Variants in ZNF491 observed in about 807,000 individuals in gnomAD.
ZNF491 encodes the protein zinc finger protein 491.
A neutral mutation model predicts 34.7 loss-of-function variants in ZNF491; 22 were observed. The observed-to-expected ratio is 0.63, with a 90% CI of 0.45 to 0.90. The LOEUF is 0.90. Among genes scored for constraint, ZNF491 ranks in the 40% least tolerant of loss-of-function variants. ZNF491 has a pLI of 0.00. For synonymous variants in ZNF491, 148 were observed against 174.3 expected, an observed-to-expected ratio of 0.85 and a Z score of 1.19; for missense variants, 559 against 531.7, an observed-to-expected ratio of 1.05 and a Z score of -0.51.
Position 11,806,921 on chromosome 19 carries a change from G to C in ZNF491, c.968G>C (p.Gly323Ala), listed in dbSNP as rs776747059. 7 of 1,613,118 alleles carry C rather than the reference G, an allele frequency of 4.3e-6. No homozygotes were observed. Among genetic ancestry groups the C allele is most frequent in the African/African-American group, 1.3e-5 (1 of 74,940 alleles). ...CAATATCATGAAAGGACTCACACTG[G>C]AGAGAAACCCGATGGGTGTAAGCAA... ...SFQYHERTHT[G>A]EKPDGCKQCG... The change falls in exon 3 of 3, where the codon GGA becomes GCA. Residue 323 changes from glycine to alanine, a missense_variant. Physicochemically the swap from Gly to Ala is moderately conservative, Grantham distance 60. Transcript: ENST00000323169.
At chr19:11,804,513 T>C (rs1975589166) in intron 1 of ZNF491, 29 bp from the exon 2 acceptor site, 10 of 1,509,718 alleles carry the variant, frequency 6.6e-6, no homozygotes, top group Non-Finnish European at 8.8e-6. Context: ...CTCTCACCCA[T>C]CCTCCTCTAC....
intron 1 of ZNF491, among the ~76,000 whole-genome samples, chr19:11,800,378 C>G (rs889676831): frequency 2.0e-5 from 3 of 152,156 alleles, no homozygotes; most frequent in African/African-American, 7.2e-5. Context: ...CCAACTTCCC[C>G]TCGCCAATTG....
In ZNF491 at chr19:11,807,091, G is replaced by A; in HGVS notation, c.1138G>A (p.Glu380Lys). ...FHRHERTHAG[E>K]KPYECKHCGK... ...TAGACATGAAAGGACTCACGCTGGA[G>A]AAAAACCTTATGAATGTAAGCATTG... Residue 380 changes from glutamate to lysine, a missense_variant, in exon 3 of 3, where the codon GAA (glutamate) becomes AAA (lysine). Glu to Lys is a moderately conservative substitution (Grantham distance 56). Coordinates refer to ENST00000323169, the MANE Select transcript of ZNF491 (RefSeq NM_152356.4). 6.2e-7 allele frequency: 1 copy of A among 1,609,550 alleles called. No individual in the cohort carries two copies. Among genetic ancestry groups the A allele is most frequent in the Non-Finnish European group, 8.5e-7 (1 of 1,178,596 alleles).
chr19:11,806,404 C>G lies in ZNF491; in HGVS notation c.451C>G (p.Arg151Gly). Reference sequence around the variant, plus strand: ...TCTCAGTTTATACCTTACCCATGAACGAACTCACACTGGAGAGAAACGATA... The same window carrying G: ...TCTCAGTTTATACCTTACCCATGAAGGAACTCACACTGGAGAGAAACGATA... ...DCLSLYLTHE[R>G]THTGEKRYEC... Residue 151 changes from arginine to glycine, a missense_variant, in exon 3 of 3, where the codon CGA becomes GGA. Physicochemically the swap from Arg to Gly is moderately radical, Grantham distance 125. Coordinates refer to ENST00000323169, the MANE Select transcript of ZNF491 (RefSeq NM_152356.4). 1.2e-6 allele frequency: 2 copies of G among 1,613,196 alleles called. No homozygotes were observed. Among genetic ancestry groups the G allele is most frequent in the Non-Finnish European group, 1.7e-6 (2 of 1,179,682 alleles).
At position 11,806,849 on chromosome 19, in the gene ZNF491, A is replaced by ACAAATCAAAT; in HGVS notation, c.901_902insCAAATCAAAT (p.Cys301SerfsTer21). 6.2e-7 allele frequency: 1 copy of ACAAATCAAAT among 1,609,678 alleles called. No homozygotes were observed. Among genetic ancestry groups the ACAAATCAAAT allele is most frequent in the South Asian group, 1.1e-5 (1 of 90,424 alleles). On this transcript the variant is annotated frameshift_variant, in exon 3 of 3. Coordinates refer to ENST00000323169, the MANE Select transcript of ZNF491 (RefSeq NM_152356.4). LOFTEE classifies it high-confidence loss of function. ...AGAAGTCACACTGGAGAGAAACCCTACAAATGCAAGCAATGTGGGAAAGCC... is the reference window on the plus strand; with the variant it reads ...AGAAGTCACACTGGAGAGAAACCCTACAAATCAAATCAAATGCAAGCAATGTGGGAAAGCC...
intron 1 of ZNF491, among the ~76,000 whole-genome samples, chr19:11,803,558 A>C (rs1975577553): frequency 6.6e-6 from 1 of 152,136 alleles, no homozygotes; most frequent in Admixed American, 6.6e-5. Context: ...GCTTTGTGAC[A>C]ATTTCTCAGT....
chr19:11,805,927 G>A lies in ZNF491; in HGVS notation c.-7-20G>A. On this transcript the variant is annotated intron_variant, in intron 2 of 2. Transcript: ENST00000323169. ...CGCTTATAAACAGACCCTTAATTATGTGCTTGGCATTTTTCACAGAAATTT... is the reference window on the plus strand; with the variant it reads ...CGCTTATAAACAGACCCTTAATTATATGCTTGGCATTTTTCACAGAAATTT... 3 of 1,516,700 alleles carry A rather than the reference G, an allele frequency of 2.0e-6. No homozygotes were observed. The highest frequency in any genetic ancestry group is 4.5e-5 in the East Asian group (2 of 44,382). 94.0% of individuals were successfully genotyped at this position (1,516,700 alleles called of 1,614,324 possible). A position where few individuals can be genotyped will look rare whatever the true frequency, so the allele number is the denominator to read the frequency against.
At position 11,798,838 on chromosome 19, in the gene ZNF491, G is replaced by A. The variant is rs1306100355; in HGVS notation, c.-134+111G>A. ...CCGCTCGGGCGACCCCGGCGATTGG[G>A]ACCCGCGTCCCCCATGGCGTGGCTT... On this transcript the variant is annotated intron_variant, in intron 1 of 2. Coordinates refer to ENST00000323169, the MANE Select transcript of ZNF491 (RefSeq NM_152356.4). The surrounding 1 kb of genome is among the most constrained non-coding windows in gnomAD (Gnocchi z 4.0). 1 of 152,412 alleles carries A rather than the reference G, an allele frequency of 6.6e-6. No individual in the cohort carries two copies. The highest frequency in any genetic ancestry group is 2.4e-5 in the African/African-American group (1 of 41,468). The allele number at this position is 152,412 out of a possible 1,614,324, so 9.4% of individuals were successfully genotyped here.
chr19:11,807,017 A>G lies in ZNF491; in HGVS notation c.1064A>G (p.Tyr355Cys). ...HGRTHTGEKP[Y>C]ECKQCGKAFH... ...AGGACTCACACTGGTGAGAAACCCT[A>G]TGAATGTAAGCAATGTGGGAAAGCA... The change falls in exon 3 of 3, where the codon TAT (tyrosine) becomes TGT (cysteine). Residue 355 changes from tyrosine (Y) to cysteine (C), a missense_variant. By Grantham distance (194) the Tyr-to-Cys change is radical. Transcript: ENST00000323169. The G allele has an allele frequency of 6.2e-7, 1 of 1,611,930 alleles. No individual in the cohort carries two copies. Among genetic ancestry groups the G allele is most frequent in the Non-Finnish European group, 8.5e-7 (1 of 1,179,084 alleles).
Position 11,807,445 on chromosome 19 carries a change from A to G in ZNF491, c.*178A>G. ...CCACGCTGGGATTCACTGGTGGCCT[A>G]TCTTACATATGATTTCGAAGGCAGA... On this transcript the variant is annotated 3_prime_UTR_variant, in exon 3 of 3. Transcript: ENST00000323169. The G allele has an allele frequency of 4.1e-6, 2 of 487,952 alleles. No homozygotes were observed. The highest frequency in any genetic ancestry group is 7.2e-6 in the Non-Finnish European group (2 of 276,112). The allele number at this position is 487,952 out of a possible 1,614,324, so 30.2% of individuals were successfully genotyped here.
Position 11,807,423 on chromosome 19 carries a change from C to T in ZNF491, c.*156C>T, listed in dbSNP as rs561826110. On this transcript the variant is annotated 3_prime_UTR_variant, in exon 3 of 3. Transcript: ENST00000323169. ...GTAGAGATGGAGTTAGGTGATGCCA[C>T]GCTGGGATTCACTGGTGGCCTATCT... The T allele has an allele frequency of 5.9e-5, 31 of 525,576 alleles. No individual in the cohort carries two copies. Among genetic ancestry groups the T allele is most frequent in the Admixed American group, 1.8e-4 (5 of 27,176 alleles). The allele number at this position is 525,576 out of a possible 1,614,324, so 32.6% of individuals were successfully genotyped here. A position where few individuals can be genotyped will look rare whatever the true frequency, so the allele number is the denominator to read the frequency against.
rs139119899 is a variant in ZNF491, at chr19:11,806,627, A to G, written c.674A>G (p.Asn225Ser). ...YKCKECGKAFNCPSSFHRHER... is the reference protein window; with the variant it reads ...YKCKECGKAFSCPSSFHRHER... ...TGTAAGGAATGTGGGAAAGCCTTCA[A>G]TTGTCCCAGTTCTTTTCACAGGCAT... The change falls in exon 3 of 3, where the codon AAT (asparagine) becomes AGT (serine). Residue 225 changes from asparagine (N) to serine (S), a missense_variant. Physicochemically the swap from Asn to Ser is conservative, Grantham distance 46 (BLOSUM62 1). Coordinates refer to ENST00000323169, the MANE Select transcript of ZNF491 (RefSeq NM_152356.4). The G allele has an allele frequency of 7.6e-5, 123 of 1,612,634 alleles. No homozygotes were observed. Among genetic ancestry groups the G allele is most frequent in the Middle Eastern group, 3.3e-4 (2 of 6,042 alleles).
rs1975634081 is a variant in ZNF491, at chr19:11,807,728, G to T, written c.*461G>T. ...AGAGAGATAATGCAGACTGTCATGG[G>T]TGGGGAATGTTCTCTGATGCTCAAC... On this transcript the variant is annotated 3_prime_UTR_variant, in exon 3 of 3. Transcript: ENST00000323169. 5.9e-6 allele frequency: 1 copy of T among 168,526 alleles called. No homozygotes were observed. The highest frequency in any genetic ancestry group is 1.4e-5 in the Non-Finnish European group (1 of 69,236). 10.4% of individuals were successfully genotyped at this position (168,526 alleles called of 1,614,324 possible). A position where few individuals can be genotyped will look rare whatever the true frequency, so the allele number is the denominator to read the frequency against.
In ZNF491 at chr19:11,798,577, T is replaced by C. The variant is rs1288700988; in HGVS notation, c.-284T>C. 3 of 152,338 alleles carry C rather than the reference T, an allele frequency of 2.0e-5. No individual in the cohort carries two copies. Among genetic ancestry groups the C allele is most frequent in the African/African-American group, 4.8e-5 (2 of 41,446 alleles). 9.4% of individuals were successfully genotyped at this position (152,338 alleles called of 1,614,324 possible). Reference sequence around the variant, plus strand: ...CACTCAGAGTCTCTGCACTCCTTTGTTGCTGGGGTCCGTTGCGTTCTGCAT... The same window carrying C: ...CACTCAGAGTCTCTGCACTCCTTTGCTGCTGGGGTCCGTTGCGTTCTGCAT... On this transcript the variant is annotated 5_prime_UTR_variant, in exon 1 of 3. Coordinates refer to ENST00000323169, the MANE Select transcript of ZNF491 (RefSeq NM_152356.4). This position sits in a 1 kb window ranked among gnomAD's most constrained non-coding sequence, Gnocchi z 4.0.
intron 1 of ZNF491, 32 bp from the exon 2 acceptor site, chr19:11,804,510 C>A: frequency 6.6e-7 from 1 of 1,507,232 alleles, no homozygotes; most frequent in African/African-American, 1.5e-5. Flanking sequence ...TCACTCTCAC[C>A]CATCCTCCTC....
Position 11,806,676 on chromosome 19 carries a change from A to C in ZNF491, c.723A>C (p.Lys241Asn), listed in dbSNP as rs2145102340. 2 of 1,613,036 alleles carry C rather than the reference A, an allele frequency of 1.2e-6. No individual in the cohort carries two copies. The highest frequency in any genetic ancestry group is 8.5e-7 in the Non-Finnish European group (1 of 1,179,668). Residue 241 changes from lysine (K) to asparagine (N), a missense_variant, in exon 3 of 3, where the codon AAA becomes AAC. Physicochemically the swap from Lys to Asn is moderately conservative, Grantham distance 94. Transcript: ENST00000323169. ...HRHERTHTGE[K>N]PYECKLYGKA... The stretch of plus-strand genomic sequence containing the variant: ...ATGAAAGGACTCACACAGGAGAAAA[A>C]CCCTATGAATGTAAACTATATGGGA...
Position 11,799,444 on chromosome 19 carries a change from TGAGGCACAACAA to T in ZNF491, c.-134+718_-134+729del, listed in dbSNP as rs1975534171. Among the ~76,000 whole-genome samples, 4 of 151,382 alleles carry T rather than the reference TGAGGCACAACAA, an allele frequency of 2.6e-5. No homozygotes were observed. In the South Asian group the frequency reaches 8.3e-4, roughly 32 times the overall value. On this transcript the variant is annotated intron_variant, in intron 1 of 2. Transcript: ENST00000323169. Reference sequence around the variant, plus strand: ...ACGTTTTTTATACAAGGCTAGTTTGTGAGGCACAACAATTTAATCAGAGTTTGGCCCGCCCCC... The same window carrying T: ...ACGTTTTTTATACAAGGCTAGTTTGTTTTAATCAGAGTTTGGCCCGCCCCC...
At position 11,805,950 on chromosome 19, in the gene ZNF491, T is replaced by G; in HGVS notation, c.-4T>G. ...ATGTGCTTGGCATTTTTCACAGAAATTTTATGGGAGAGAGACTCTTTGAGA... is the reference window on the plus strand; with the variant it reads ...ATGTGCTTGGCATTTTTCACAGAAAGTTTATGGGAGAGAGACTCTTTGAGA... On this transcript the variant is annotated 5_prime_UTR_variant, in exon 3 of 3. Coordinates refer to ENST00000323169, the MANE Select transcript of ZNF491 (RefSeq NM_152356.4). 6.4e-7 allele frequency: 1 copy of G among 1,550,458 alleles called. No individual in the cohort carries two copies. The highest frequency in any genetic ancestry group is 8.7e-7 in the Non-Finnish European group (1 of 1,155,086).
At position 11,805,936 on chromosome 19, in the gene ZNF491, AT is replaced by A; in HGVS notation, c.-7-6del. 6.5e-7 allele frequency: 1 copy of A among 1,540,634 alleles called. No homozygotes were observed. Among genetic ancestry groups the A allele is most frequent in the Non-Finnish European group, 8.7e-7 (1 of 1,148,468 alleles). On this transcript the variant is annotated splice_polypyrimidine_tract_variant and intron_variant, in intron 2 of 2. Transcript: ENST00000323169. ...ACAGACCCTTAATTATGTGCTTGGC[AT>A]TTTTCACAGAAATTTTATGGGAGAG...
Sources: allele counts gnomAD v4.1 joint callset (sites outside exome capture counted in the v4.1 genomes callset), GRCh38; gene constraint gnomAD v4.1.1; non-coding constraint Gnocchi (gnomAD v3.1); transcripts MANE v1.5; gene names NCBI Gene and HGNC (gene_info 2026-07-23, HGNC 2026-07-21).